TMEM170B: variants seen among roughly 807,000 people sequenced by gnomAD.
TMEM170B encodes the protein transmembrane protein 170B.
A neutral mutation model predicts 13.0 loss-of-function variants in TMEM170B; 6 were observed. That is an observed-to-expected ratio of 0.46 (90% CI 0.25 to 0.91). TMEM170B has a LOEUF of 0.91. TMEM170B is among the 40% of genes least tolerant of loss of function. The pLI is 0.17. For synonymous variants in TMEM170B, 61 were observed against 64.9 expected, an observed-to-expected ratio of 0.94 and a Z score of 0.29; for missense variants, 138 against 165.2, an observed-to-expected ratio of 0.84 and a Z score of 0.90.
chr6:11,539,839 T>C (rs1489650568), intron 1 of TMEM170B, among the ~76,000 whole-genome samples: 4 of 152,348 alleles, frequency 2.6e-5, no homozygotes, highest in Admixed American at 2.0e-4. Context: ...AAGTAGGGAC[T>C]TAACATATAT....
intron 1 of TMEM170B, among the ~76,000 whole-genome samples, chr6:11,561,646 A>C (rs775222516): frequency 6.6e-6 from 1 of 152,338 alleles, no homozygotes; most frequent in Non-Finnish European, 1.5e-5. Context: ...GTAATAACAC[A>C]AAACCTAACA....
intron 1 of TMEM170B, among the ~76,000 whole-genome samples, chr6:11,540,061 C>A (rs942692899): frequency 3.3e-5 from 5 of 152,192 alleles, no homozygotes. Context: ...TGAAAAATTG[C>A]TAACGATCAT....
intron 1 of TMEM170B, among the ~76,000 whole-genome samples, chr6:11,563,018 T>C (rs72836606): frequency 0.028 from 4,299 of 152,258 alleles, 96 homozygotes; most frequent in Admixed American, 0.04. Context: ...TTAAAAAAAA[T>C]TGGTAAAAAC....
chr6:11,565,702 C>T lies in TMEM170B; in HGVS notation c.134C>T (p.Ser45Phe). Reference sequence around the variant, plus strand: ...TGGATCTTCCTCTGGGCTCTCTTCTCTTCTCTGTTTGTCCATGGTGCTGCA... The same window carrying T: ...TGGATCTTCCTCTGGGCTCTCTTCTTTTCTCTGTTTGTCCATGGTGCTGCA... ...WYWIFLWALF[S>F]SLFVHGAAGV... Residue 45 changes from serine to phenylalanine, a missense_variant, in exon 2 of 3, where the codon TCT (serine) becomes TTT (phenylalanine). By Grantham distance (155) the Ser-to-Phe change is radical. Coordinates refer to ENST00000379426, the MANE Select transcript of TMEM170B (RefSeq NM_001100829.3). 1.2e-6 allele frequency: 2 copies of T among 1,614,158 alleles called. No homozygotes were observed. Among genetic ancestry groups the T allele is most frequent in the Non-Finnish European group, 1.7e-6 (2 of 1,180,008 alleles).
At chr6:11,563,487 A>G (rs937634004) in intron 1 of TMEM170B, among the ~76,000 whole-genome samples, 7 of 152,142 alleles carry the variant, frequency 4.6e-5, no homozygotes, top group African/African-American at 9.7e-5. Flanking sequence ...CCGCAGGTTA[A>G]AGGCACAGTC....
chr6:11,569,722 T>TC (rs549586544), intron 2 of TMEM170B, among the ~76,000 whole-genome samples: 147 of 152,276 alleles, frequency 9.7e-4, no homozygotes, highest in African/African-American at 3.4e-3. Flanking sequence ...TGTGTTTTTT[T>TC]CCCCCACTGC....
At position 11,582,685 on chromosome 6, in the gene TMEM170B, T is replaced by C. The variant is rs1426703072; in HGVS notation, c.*7124T>C. On this transcript the variant is annotated 3_prime_UTR_variant, in exon 3 of 3. Transcript: ENST00000379426. ...ATACTGTAGTACAGGGCACACACTTTAACCTTTAGAAATATGTTTACCATC... is the reference window on the plus strand; with the variant it reads ...ATACTGTAGTACAGGGCACACACTTCAACCTTTAGAAATATGTTTACCATC... 1 of 152,222 alleles carries C rather than the reference T, an allele frequency of 6.6e-6. No individual in the cohort carries two copies. Among genetic ancestry groups the C allele is most frequent in the East Asian group, 1.9e-4 (1 of 5,200 alleles). The allele number at this position is 152,222 out of a possible 1,614,324, so 9.4% of individuals were successfully genotyped here.
rs1282928343 is a variant in TMEM170B, at chr6:11,579,221, G to A, written c.*3660G>A. ...GATATCATGGCTGTGACATAGTGAA[G>A]AGAATACGAGACTCCAAGCCAGCAA... On this transcript the variant is annotated 3_prime_UTR_variant, in exon 3 of 3. Transcript: ENST00000379426. 1 of 152,146 alleles carries A rather than the reference G, an allele frequency of 6.6e-6. No individual in the cohort carries two copies. Among genetic ancestry groups the A allele is most frequent in the Non-Finnish European group, 1.5e-5 (1 of 68,014 alleles). The allele number at this position is 152,146 out of a possible 1,614,324, so 9.4% of individuals were successfully genotyped here.
intron 1 of TMEM170B, among the ~76,000 whole-genome samples, chr6:11,550,471 C>A (rs1284575691): frequency 6.6e-6 from 1 of 152,058 alleles, no homozygotes; most frequent in Non-Finnish European, 1.5e-5. Context: ...CTGTGCCCAG[C>A]CAATTTCTTT....
chr6:11,572,868 CTTT>C (rs57017245), intron 2 of TMEM170B, among the ~76,000 whole-genome samples: 336 of 152,104 alleles, frequency 2.2e-3, no homozygotes, highest in African/African-American at 7.5e-3. Context: ...GTTTTATTTT[CTTT>C]GTTACCTAAA....
intron 1 of TMEM170B, among the ~76,000 whole-genome samples, chr6:11,557,351 T>C (rs1006456009): frequency 1.3e-5 from 2 of 152,206 alleles, no homozygotes; most frequent in African/African-American, 2.4e-5. Flanking sequence ...TACAAAATCA[T>C]GCATTTAGGA....
At chr6:11,564,168 G>GCTA (rs1242631705) in intron 1 of TMEM170B, among the ~76,000 whole-genome samples, 1 of 152,064 alleles carries the variant, frequency 6.6e-6, no homozygotes, top group African/African-American at 2.4e-5. Context: ...TCACCTCTTG[G>GCTA]CTATTGTGAA....
intron 1 of TMEM170B, among the ~76,000 whole-genome samples, chr6:11,552,207 A>G (rs1759534670): frequency 6.6e-6 from 1 of 152,218 alleles, no homozygotes; most frequent in African/African-American, 2.4e-5. Context: ...ATTTATAGCT[A>G]TCTTAACGAT....
chr6:11,568,902 A>G (rs971769055), intron 2 of TMEM170B, among the ~76,000 whole-genome samples: 2 of 152,132 alleles, frequency 1.3e-5, no homozygotes, highest in African/African-American at 4.8e-5. Flanking sequence ...TTTTGAAACT[A>G]GAGTGATTTT....
At chr6:11,566,708 TG>T (rs1759737437) in intron 2 of TMEM170B, among the ~76,000 whole-genome samples, 1 of 152,234 alleles carries the variant, frequency 6.6e-6, no homozygotes, top group Non-Finnish European at 1.5e-5. Flanking sequence ...CATTTAACCT[TG>T]GTGCTATGAC....
chr6:11,550,037 T>C (rs569347827), intron 1 of TMEM170B, among the ~76,000 whole-genome samples: 1 of 152,292 alleles, frequency 6.6e-6, no homozygotes, highest in East Asian at 1.9e-4. Context: ...GGGGTCTCGC[T>C]GTGTTGCCCA....
At chr6:11,551,219 A>G (rs1170305378) in intron 1 of TMEM170B, among the ~76,000 whole-genome samples, 1 of 152,214 alleles carries the variant, frequency 6.6e-6, no homozygotes, top group Non-Finnish European at 1.5e-5. Flanking sequence ...GAGAGATCAC[A>G]CACACATAGA....
rs1759902255 is a variant in TMEM170B, at chr6:11,577,993, A to G, written c.*2432A>G. 6.6e-6 allele frequency: 1 copy of G among 152,132 alleles called. No homozygotes were observed. The allele number at this position is 152,132 out of a possible 1,614,324, so 9.4% of individuals were successfully genotyped here. ...TTTTTAAAAAGTTAGTAGCTTTCCT[A>G]TAGACACAAGAAATGTTTAATGATA... On this transcript the variant is annotated 3_prime_UTR_variant, in exon 3 of 3. Coordinates refer to ENST00000379426, the MANE Select transcript of TMEM170B (RefSeq NM_001100829.3).
Position 11,575,644 on chromosome 6 carries a change from GA to G in TMEM170B, c.*86del. 2 of 1,539,152 alleles carry G rather than the reference GA, an allele frequency of 1.3e-6. No individual in the cohort carries two copies. The highest frequency in any genetic ancestry group is 2.3e-4 in the Middle Eastern group (1 of 4,414). Reference sequence around the variant, plus strand: ...AACGGCATTGTTAACAAGTGGAAATGAAATTGTGCAAGAATGTGGACTGAGC... The same window carrying G: ...AACGGCATTGTTAACAAGTGGAAATGAATTGTGCAAGAATGTGGACTGAGC... On this transcript the variant is annotated 3_prime_UTR_variant, in exon 3 of 3. Transcript: ENST00000379426. The surrounding 1 kb of genome is among the most constrained non-coding windows in gnomAD (Gnocchi z 4.1).
Sources: gnomAD v4.1 joint callset for allele counts (sites outside exome capture counted in the v4.1 genomes callset) on GRCh38, gnomAD v4.1.1 for gene constraint, Gnocchi (gnomAD v3.1) non-coding constraint, MANE v1.5 for transcripts, NCBI Gene and HGNC (gene_info 2026-07-23, HGNC 2026-07-21) for gene names.